Variants in RALYL observed in about 807,000 individuals in gnomAD.
RALYL encodes RALY RNA binding protein like.
RALYL carries 29 observed loss-of-function variants against 35.1 expected under a neutral mutation model. That is an observed-to-expected ratio of 0.83 (90% confidence interval 0.61 to 1.13). The LOEUF is 1.13. Among genes scored for constraint, RALYL ranks in the 50% most tolerant of loss-of-function variants. The pLI, the probability that RALYL is intolerant of heterozygous loss-of-function variation, is 0.00. For missense variants in RALYL, 359 were observed against 360.4 expected (o/e 1.00, Z 0.03); for synonymous variants, 120 against 127.6 (o/e 0.94, Z 0.40).
chr8:84,356,121 T>G (rs936905728), intron 1 of RALYL, among the ~76,000 whole-genome samples: 5 of 150,188 alleles, frequency 3.3e-5, no homozygotes, highest in African/African-American at 5.0e-5. Context: ...ACTGTAAGTT[T>G]CCTGAGGTCT....
chr8:84,687,342 T>A (rs1024660655), intron 2 of RALYL, among the ~76,000 whole-genome samples: 2 of 152,126 alleles, frequency 1.3e-5, no homozygotes, highest in Non-Finnish European at 2.9e-5. Flanking sequence ...TCCCTCTTGT[T>A]GAGTATTGTA....
intron 2 of RALYL, among the ~76,000 whole-genome samples, chr8:84,709,078 A>T (rs550306422): frequency 6.6e-6 from 1 of 152,296 alleles, no homozygotes; most frequent in African/African-American, 2.4e-5. Context: ...TCACTTCAGA[A>T]ATCTAAATAC....
chr8:84,728,014 G>C (rs902297032), intron 2 of RALYL, among the ~76,000 whole-genome samples: 5 of 151,716 alleles, frequency 3.3e-5, no homozygotes, highest in Non-Finnish European at 7.4e-5. Context: ...GGGTCAAATG[G>C]TATTTCTAGT....
chr8:84,194,599 G>T (rs1814765656), intron 1 of RALYL, among the ~76,000 whole-genome samples: 1 of 152,120 alleles, frequency 6.6e-6, no homozygotes, highest in Admixed American at 6.6e-5. Context: ...TGAAAAGAAA[G>T]CTATGGAGTA....
rs1344644663 is a variant in RALYL at position 84,398,554 on chromosome 8, T to C, written c.-23-130745T>C. On this transcript the variant is annotated intron_variant, in intron 1 of 8. Transcript: ENST00000521268. Reference sequence around the variant, plus strand: ...AATATCTTTTCTAGATATTGTGTCATAATTTTAATCTTTTAAACACTTAGC... The same window carrying C: ...AATATCTTTTCTAGATATTGTGTCACAATTTTAATCTTTTAAACACTTAGC... 3.3e-5 allele frequency among the ~76,000 whole-genome samples: 5 copies of C among 152,182 alleles called. No individual in the cohort carries two copies. The East Asian group carries it at 7.7e-4, about 23-fold the overall frequency.
At chr8:84,630,266 G>T (rs1382280279) in intron 2 of RALYL, among the ~76,000 whole-genome samples, 1 of 151,980 alleles carries the variant, frequency 6.6e-6, no homozygotes, top group African/African-American at 2.4e-5. Flanking sequence ...CCTAAATACA[G>T]CTTGGCTACC....
chr8:84,521,077 C>A (rs557257493), intron 1 of RALYL, among the ~76,000 whole-genome samples: 2 of 152,224 alleles, frequency 1.3e-5, no homozygotes, highest in South Asian at 2.1e-4. Context: ...TATATTGAAG[C>A]CCTAACCCCT....
intron 1 of RALYL, among the ~76,000 whole-genome samples, chr8:84,416,629 T>C (rs1417100051): frequency 2.0e-5 from 3 of 152,170 alleles, no homozygotes; most frequent in East Asian, 3.9e-4. Context: ...TATATTGGAT[T>C]GTAAGAGTTG....
At chr8:84,491,862 C>T (rs539276690) in intron 1 of RALYL, among the ~76,000 whole-genome samples, 3 of 151,870 alleles carry the variant, frequency 2.0e-5, no homozygotes, top group Non-Finnish European at 4.4e-5. Context: ...TTGTAGGTTT[C>T]TTTCCAATTT....
intron 2 of RALYL, among the ~76,000 whole-genome samples, chr8:84,767,751 C>A (rs1345160101): frequency 6.6e-6 from 1 of 152,126 alleles, no homozygotes; most frequent in South Asian, 2.1e-4. Context: ...ATAAATAAGT[C>A]TTATCAAAAG....
At chr8:84,306,780 A>G (rs1453773868) in intron 1 of RALYL, among the ~76,000 whole-genome samples, 1 of 152,218 alleles carries the variant, frequency 6.6e-6, no homozygotes, top group African/African-American at 2.4e-5. Flanking sequence ...AACTCTGGGT[A>G]ATTTATTCTA....
chr8:84,552,253 A>G (rs183966217), intron 2 of RALYL, among the ~76,000 whole-genome samples: 2 of 147,002 alleles, frequency 1.4e-5, no homozygotes, highest in Non-Finnish European at 3.0e-5. Context: ...TACAAATAAG[A>G]TGGTTGTATT....
At chr8:84,369,604 T>C (rs1404189338) in intron 1 of RALYL, among the ~76,000 whole-genome samples, 2 of 152,080 alleles carry the variant, frequency 1.3e-5, no homozygotes, top group African/African-American at 4.8e-5. Flanking sequence ...AATCATTGGC[T>C]TTACTTTTCA....
chr8:84,415,538 G>T (rs1019332600), intron 1 of RALYL, among the ~76,000 whole-genome samples: 1 of 108,458 alleles, frequency 9.2e-6, no homozygotes, highest in South Asian at 3.5e-4. Context: ...GCGCCCGGCC[G>T]ACACTCTTGT....
intron 1 of RALYL, among the ~76,000 whole-genome samples, chr8:84,212,228 G>C (rs1819652038): frequency 6.6e-6 from 1 of 152,000 alleles, no homozygotes; most frequent in South Asian, 2.1e-4. Flanking sequence ...TTACATCACT[G>C]TAGTGTTTTT....
At chr8:84,304,369 T>C (rs989312522) in intron 1 of RALYL, among the ~76,000 whole-genome samples, 16 of 152,140 alleles carry the variant, frequency 1.1e-4, no homozygotes, top group African/African-American at 3.4e-4. Flanking sequence ...TGCCCGTCTC[T>C]GCCTCCCTAA....
intron 1 of RALYL, among the ~76,000 whole-genome samples, chr8:84,498,406 A>T (rs1041420710): frequency 6.6e-6 from 1 of 152,112 alleles, no homozygotes; most frequent in Non-Finnish European, 1.5e-5. Flanking sequence ...AATAATAACC[A>T]TTATTCATAA....
chr8:84,681,391 T>G (rs1431039888), intron 2 of RALYL, among the ~76,000 whole-genome samples: 1 of 152,170 alleles, frequency 6.6e-6, no homozygotes, highest in Non-Finnish European at 1.5e-5. Flanking sequence ...GTGAAGAAAG[T>G]TATTGGTAGC....
intron 8 of RALYL, among the ~76,000 whole-genome samples, chr8:84,894,160 T>C (rs1844345699): frequency 1.3e-5 from 2 of 152,194 alleles, no homozygotes; most frequent in African/African-American, 4.8e-5. Context: ...TCTTTCTTTA[T>C]AAGAAAGGCT....
Sources: allele counts gnomAD v4.1 joint callset (sites outside exome capture counted in the v4.1 genomes callset), GRCh38; gene constraint gnomAD v4.1.1; transcripts MANE v1.5; gene names NCBI Gene and HGNC (gene_info 2026-07-23, HGNC 2026-07-21).